Variants in TTN observed in about 807,000 individuals in gnomAD.
TTN encodes titin.
TTN carries 1,525 observed loss-of-function variants against 3,223.0 expected under a neutral mutation model. The ratio of observed to expected loss-of-function variants is 0.47; its 90% CI spans 0.45 to 0.49. The LOEUF is 0.49. Ranked by LOEUF, TTN falls within the 20% of genes least tolerant of loss-of-function variation. TTN has a pLI of 0.00. For synonymous variants in TTN, 14,094 were observed against 15,161.0 expected (o/e 0.93, Z 5.17); for missense variants, 40,786 against 43,424.0 (o/e 0.94, Z 5.40).
At position 178,748,768 on chromosome 2, in the gene TTN, G is replaced by A. The variant is rs146750710; in HGVS notation, c.11311+4356C>T. The A allele has an allele frequency of 9.3e-5, 150 of 1,612,244 alleles. 1 individual carries two copies. Among genetic ancestry groups the A allele is most frequent in the East Asian group, 5.6e-4 (25 of 44,768 alleles). On this transcript the variant is annotated intron_variant, in intron 47 of 362. Coordinates refer to ENST00000589042, the MANE Select transcript of TTN (RefSeq NM_001267550.2). ...TTTCCTGTTGTTCCCTTTCTTGTGC[G>A]TCAAATTCTTTATGAGTTTGAGAGG... is the stretch of plus-strand genomic sequence containing the variant.
At chr2:178,627,236 AAAC>A (rs1179738438) in intron 240 of TTN, among the ~76,000 whole-genome samples, 1 of 152,002 alleles carries the variant, frequency 6.6e-6, no homozygotes, top group East Asian at 1.9e-4. Flanking sequence ...TGACAGCCAA[AAAC>A]AACTACAACA....
chr2:178,570,081 A>ATC lies in TTN; in HGVS notation c.76049_76050dup (p.Trp25351AspfsTer9). The stretch of plus-strand genomic sequence containing the variant: ...ATCAGACGCTTATGGCATCTTGTCC[A>ATC]TCTAATGCCTTCTTTATCCCGTTTC... On this transcript the variant is annotated frameshift_variant, in exon 326 of 363. Coordinates refer to ENST00000589042, the MANE Select transcript of TTN (RefSeq NM_001267550.2). LOFTEE classifies it high-confidence loss of function. 1 of 1,613,446 alleles carries ATC rather than the reference A, an allele frequency of 6.2e-7. No individual in the cohort carries two copies. Among genetic ancestry groups the ATC allele is most frequent in the Non-Finnish European group, 8.5e-7 (1 of 1,179,594 alleles).
At chr2:178,713,005 T>G (rs1374221424) in intron 93 of TTN, 30 bp from the exon 94 acceptor site, 4 of 1,606,362 alleles carry the variant, frequency 2.5e-6, no homozygotes, top group Non-Finnish European at 3.4e-6. Flanking sequence ...TCAGAAAAGG[T>G]TTAGTATTTG....
At position 178,551,917 on chromosome 2, in the gene TTN, G is replaced by A. The variant is rs1441747901; in HGVS notation, c.90983C>T (p.Pro30328Leu). The A allele has an allele frequency of 1.9e-6, 3 of 1,613,580 alleles. No homozygotes were observed. The highest frequency in any genetic ancestry group is 4.5e-5 in the East Asian group (2 of 44,866). The change falls in exon 335 of 363, where the codon CCA becomes CTA. Residue 30328 changes from proline (P) to leucine (L), a missense_variant. Coordinates refer to ENST00000589042, the MANE Select transcript of TTN (RefSeq NM_001267550.2). ...CACATTGTATATAACTGGCTTTCCT[G>A]GGGGACCAGGAATCCTGAACTGGTG... ...AKHQFRIPGP[P>L]GKPVIYNVTS... is the part of the protein sequence containing the mutation.
intron 242 of TTN, among the ~76,000 whole-genome samples, chr2:178,623,906 C>G (rs1351228225): frequency 6.6e-6 from 1 of 151,916 alleles, no homozygotes; most frequent in African/African-American, 2.4e-5. Flanking sequence ...GTCCAGGACT[C>G]AAAAGATCCA....
chr2:178,707,996 A>T (rs2076128395), intron 99 of TTN, among the ~76,000 whole-genome samples, 183 bp from the exon 100 acceptor site: 1 of 152,178 alleles, frequency 6.6e-6, no homozygotes, highest in African/African-American at 2.4e-5. Flanking sequence ...TGGATTTTTT[A>T]AAAAGATAAA....
rs772702110 is a variant in TTN, at chr2:178,531,737, G to T, written c.104878C>A (p.Arg34960Ser). 1 of 1,613,904 alleles carries T rather than the reference G, an allele frequency of 6.2e-7. No individual in the cohort carries two copies. Among genetic ancestry groups the T allele is most frequent in the Non-Finnish European group, 8.5e-7 (1 of 1,179,856 alleles). Residue 34960 changes from arginine (R) to serine (S), a missense_variant, in exon 358 of 363, where the codon CGT becomes AGT. Physicochemically the swap from Arg to Ser is moderately radical, Grantham distance 110. Transcript: ENST00000589042. ...TTAGACTGAACATTTAAAATAAAAC[G>T]TGTATTTTGGCCACATGGTACCCTG... Reference protein sequence around the residue: ...SHRVPCGQNTRFILNVQSKPT... With the variant: ...SHRVPCGQNTSFILNVQSKPT...
chr2:178,804,070 T>G (rs977123855), intron 2 of TTN, among the ~76,000 whole-genome samples: 2 of 152,202 alleles, frequency 1.3e-5, no homozygotes, highest in Non-Finnish European at 2.9e-5. Context: ...AGGAGTTGGT[T>G]AATTACTGAA....
At position 178,756,283 on chromosome 2, in the gene TTN, G is replaced by C; in HGVS notation, c.11193C>G (p.Ser3731Arg). 1 of 1,613,868 alleles carries C rather than the reference G, an allele frequency of 6.2e-7. No homozygotes were observed. The highest frequency in any genetic ancestry group is 2.2e-5 in the East Asian group (1 of 44,880). ...NVQLVDQGLYSCIVHNDCGER... is the reference protein window; with the variant it reads ...NVQLVDQGLYRCIVHNDCGER... ...CTCCACAGTCATTGTGTACAATGCA[G>C]CTGTATAGTCCTTGGTCTACCAGCT... The change falls in exon 46 of 363, where the codon AGC becomes AGG. Residue 3731 changes from serine to arginine, a missense_variant. By Grantham distance (110) the Ser-to-Arg change is moderately radical (BLOSUM62 -1). Transcript: ENST00000589042.
chr2:178,590,184 C>T lies in TTN; in HGVS notation c.61541G>A (p.Gly20514Asp), dbSNP rs1449445104. The T allele has an allele frequency of 6.2e-7, 1 of 1,610,958 alleles. No homozygotes were observed. Among genetic ancestry groups the T allele is most frequent in the Non-Finnish European group, 8.5e-7 (1 of 1,178,508 alleles). ...CCTCTTTTCTCGGACCAATACTTTG[C>T]CTTCCTTAGTCCAAGTTATGTCTGG... Reference protein sequence around the residue: ...PEPDITWTKEGKVLVREKRVD... With the variant: ...PEPDITWTKEDKVLVREKRVD... Residue 20514 changes from glycine (G) to aspartate (D), a missense_variant, in exon 304 of 363, where the codon GGC (glycine) becomes GAC (aspartate). Transcript: ENST00000589042.
chr2:178,651,968 C>G lies in TTN; in HGVS notation c.39296-1G>C. On this transcript the variant is annotated splice_acceptor_variant, in intron 204 of 362. Coordinates refer to ENST00000589042, the MANE Select transcript of TTN (RefSeq NM_001267550.2). LOFTEE classifies it high-confidence loss of function. ...GCAACTTCCTCAGGCTCCTCGAACA[C>G]TTTAAAGACATGAGCTCATTTTAAT... is the stretch of plus-strand genomic sequence containing the variant. The G allele has an allele frequency of 6.2e-7, 1 of 1,610,752 alleles. No individual in the cohort carries two copies. The highest frequency in any genetic ancestry group is 8.5e-7 in the Non-Finnish European group (1 of 1,178,366).
chr2:178,591,004 C>T lies in TTN; in HGVS notation c.60721G>A (p.Glu20241Lys). 6.2e-7 allele frequency: 1 copy of T among 1,613,484 alleles called. No individual in the cohort carries two copies. The highest frequency in any genetic ancestry group is 2.2e-5 in the East Asian group (1 of 44,826). The part of the protein sequence containing the change: ...LKIPHLQKGC[E>K]YVFRVRAENK... ...TCTGCTCTAACTCGGAAAACATATT[C>T]ACAGCCCTTCTGCAGATGTGGGATT... Residue 20241 changes from glutamate to lysine, a missense_variant, in exon 304 of 363, where the codon GAA becomes AAA. Transcript: ENST00000589042.
At chr2:178,799,328 C>T (rs1257100158) in intron 6 of TTN, 159 bp downstream of exon 6, 11 of 1,130,272 alleles carry the variant, frequency 9.7e-6, no homozygotes, top group Non-Finnish European at 1.4e-5. Context: ...CCACAACCTG[C>T]CCGTTTGTAT....
intron 92 of TTN, 110 bp downstream of exon 92, chr2:178,713,787 A>C: frequency 7.4e-7 from 1 of 1,357,576 alleles, no homozygotes; most frequent in East Asian, 2.5e-5. Context: ...GATTCAGAAG[A>C]TGTCGGACTC....
chr2:178,562,365 T>G lies in TTN; in HGVS notation c.83767A>C (p.Ile27923Leu), dbSNP rs778728899. 1 of 1,610,694 alleles carries G rather than the reference T, an allele frequency of 6.2e-7. No individual in the cohort carries two copies. Among genetic ancestry groups the G allele is most frequent in the East Asian group, 2.2e-5 (1 of 44,808 alleles). Residue 27923 changes from isoleucine to leucine, a missense_variant, in exon 326 of 363, where the codon ATA becomes CTA. Physicochemically the swap from Ile to Leu is conservative, Grantham distance 5 (BLOSUM62 2). Coordinates refer to ENST00000589042, the MANE Select transcript of TTN (RefSeq NM_001267550.2). ...CTQVKTLEAT[I>L]SGLTAGEEYV... ...TCTTCTCCTGCAGTTAAGCCAGATA[T>G]AGTTGCTTCTAGAGTCTTAACTTGT...
At position 178,547,141 on chromosome 2, in the gene TTN, G is replaced by A. The variant is rs1311115144; in HGVS notation, c.94384C>T (p.Pro31462Ser). ...TILWVKENKV[P>S]CLECNYKVTG... ...ACTTTGTAGTTGCACTCTAAGCATG[G>A]CACTTTGTTTTCTTTCACCCAAAGA... Residue 31462 changes from proline to serine, a missense_variant, in exon 340 of 363, where the codon CCA becomes TCA. Pro to Ser is a moderately conservative substitution (Grantham distance 74). Transcript: ENST00000589042. The A allele has an allele frequency of 6.2e-7, 1 of 1,613,756 alleles. No homozygotes were observed. The highest frequency in any genetic ancestry group is 2.2e-5 in the East Asian group (1 of 44,868).
intron 362 of TTN, 69 bp downstream of exon 362, chr2:178,527,377 A>G: frequency 6.4e-7 from 1 of 1,573,532 alleles, no homozygotes; most frequent in South Asian, 1.2e-5. Context: ...TTTCTACTGA[A>G]TTGTGTGTAC....
In TTN at chr2:178,632,805, G is replaced by A; in HGVS notation, c.43214-13C>T. 1 of 1,612,860 alleles carries A rather than the reference G, an allele frequency of 6.2e-7. No individual in the cohort carries two copies. ...ATAAGAGGCAATTCTGAAAGAAGTG[G>A]ACAGTGGATGAAGTCAGAATACGTT... is the stretch of plus-strand genomic sequence containing the variant. On this transcript the variant is annotated splice_polypyrimidine_tract_variant and intron_variant, in intron 234 of 362. Coordinates refer to ENST00000589042, the MANE Select transcript of TTN (RefSeq NM_001267550.2).
At position 178,737,306 on chromosome 2, in the gene TTN, C is replaced by CT. The variant is rs755526559; in HGVS notation, c.14371+775dup. On this transcript the variant is annotated intron_variant, in intron 49 of 362. Transcript: ENST00000589042. ...TGTAGTTGTCTTATTTTCTTTCTTT[C>CT]TTTTTTTTTTTTTAGGTGGAGTCTC... The CT allele has an allele frequency of 9.8e-3, 1,399 of 142,378 alleles. 23 individuals carry two copies. The highest frequency in any genetic ancestry group is 0.032 in the African/African-American group (1,266 of 39,030). The allele number at this position is 142,378 out of a possible 1,614,324, so 8.8% of individuals were successfully genotyped here. A position where few individuals can be genotyped will look rare whatever the true frequency, so the allele number is the denominator to read the frequency against.
Sources: allele counts gnomAD v4.1 joint callset (sites outside exome capture counted in the v4.1 genomes callset), GRCh38; gene constraint gnomAD v4.1.1; transcripts MANE v1.5; gene names NCBI Gene and HGNC (gene_info 2026-07-23, HGNC 2026-07-21).